MAGI1: variants seen among roughly 807,000 people sequenced by gnomAD.
The protein encoded by MAGI1 is membrane associated guanylate kinase, WW and PDZ domain containing 1.
Under a neutral mutation model 139.9 loss-of-function variants are expected in MAGI1, and 58 were observed. The observed-to-expected ratio is 0.41, with a 90% CI of 0.34 to 0.52. The LOEUF (loss-of-function observed/expected upper bound fraction) is 0.52, where lower values mean the gene tolerates loss of function less well. MAGI1 is among the 20% of genes least tolerant of loss of function. The probability of loss-of-function intolerance (pLI) is 0.12; values close to 1 mark genes in which losing one functional copy is unlikely to be tolerated. For synonymous variants in MAGI1, 812 were observed against 737.9 expected, an observed-to-expected ratio of 1.10 and a Z score of -1.63; for missense variants, 1,874 against 1,901.6, an observed-to-expected ratio of 0.99 and a Z score of 0.27.
intron 1 of MAGI1, among the ~76,000 whole-genome samples, chr3:65,647,116 A>T (rs1275380087): frequency 1.3e-5 from 2 of 152,160 alleles, no homozygotes; most frequent in Non-Finnish European, 1.5e-5. Context: ...ATAAACTTCT[A>T]GCAAGACTGA....
At chr3:65,594,298 T>C (rs1040873384) in intron 2 of MAGI1, among the ~76,000 whole-genome samples, 4 of 152,136 alleles carry the variant, frequency 2.6e-5, no homozygotes, top group African/African-American at 9.7e-5. Flanking sequence ...AAATGGCAAA[T>C]CCCAGATCCC....
At chr3:65,389,948 C>G (rs998803926) in intron 14 of MAGI1, among the ~76,000 whole-genome samples, 1 of 152,206 alleles carries the variant, frequency 6.6e-6, no homozygotes, top group Admixed American at 6.5e-5. Context: ...ACCTCTGCCC[C>G]CCAACTGCTG....
intron 1 of MAGI1, among the ~76,000 whole-genome samples, chr3:66,014,980 A>G (rs528339660): frequency 6.6e-6 from 1 of 152,108 alleles, no homozygotes; most frequent in South Asian, 2.1e-4. Context: ...TCATCGCTAC[A>G]TGATCTTTTC....
At chr3:65,570,178 C>G (rs1212212493) in intron 2 of MAGI1, among the ~76,000 whole-genome samples, 1 of 151,236 alleles carries the variant, frequency 6.6e-6, no homozygotes, top group African/African-American at 2.4e-5. Flanking sequence ...TCTTGGCTTA[C>G]TGCAACCTCA....
intron 1 of MAGI1, among the ~76,000 whole-genome samples, chr3:65,678,887 A>T (rs1197230178): frequency 6.6e-6 from 1 of 152,196 alleles, no homozygotes; most frequent in Admixed American, 6.5e-5. Context: ...ACTCATTTTA[A>T]TGTATCCTTC....
chr3:65,472,701 G>A (rs1297500302), intron 4 of MAGI1, among the ~76,000 whole-genome samples: 2 of 152,178 alleles, frequency 1.3e-5, no homozygotes, highest in African/African-American at 4.8e-5. Context: ...GGCCAGAGAT[G>A]CAAATGAGAC....
At chr3:65,688,073 C>T in intron 1 of MAGI1, 1 of 765,766 alleles carries the variant, frequency 1.3e-6, no homozygotes, top group Non-Finnish European at 2.3e-6. Flanking sequence ...ATAACCCCAA[C>T]AGACAGCCTT....
At chr3:65,503,560 G>A (rs1050357256) in intron 2 of MAGI1, among the ~76,000 whole-genome samples, 1 of 152,186 alleles carries the variant, frequency 6.6e-6, no homozygotes, top group Non-Finnish European at 1.5e-5. Context: ...AACAGCAGGT[G>A]TGTAAAGACA....
intron 1 of MAGI1, chr3:65,844,178 A>C (rs2058904942): frequency 3.9e-6 from 2 of 516,552 alleles, no homozygotes; most frequent in Admixed American, 1.9e-5. Context: ...CATGTGTAAA[A>C]ATGCAGAGAG....
intron 3 of MAGI1, among the ~76,000 whole-genome samples, chr3:65,480,106 A>G (rs1951165980): frequency 6.7e-6 from 1 of 150,092 alleles, no homozygotes. Flanking sequence ...ATCCAACCCC[A>G]TTGTCTAACC....
At chr3:65,595,965 A>C (rs554285302) in intron 2 of MAGI1, among the ~76,000 whole-genome samples, 14 of 152,324 alleles carry the variant, frequency 9.2e-5, no homozygotes, top group African/African-American at 3.4e-4. Flanking sequence ...GAAATGGAGG[A>C]ATCGAGTCTC....
intron 2 of MAGI1, among the ~76,000 whole-genome samples, chr3:65,587,468 ATTAC>A (rs2081738900): frequency 7.3e-6 from 1 of 137,634 alleles, no homozygotes; most frequent in Admixed American, 7.2e-5. Context: ...TTATTTTATT[ATTAC>A]TTTTTTCTTT....
At chr3:65,911,655 C>A (rs1026170871) in intron 1 of MAGI1, among the ~76,000 whole-genome samples, 1 of 151,510 alleles carries the variant, frequency 6.6e-6, no homozygotes, top group Non-Finnish European at 1.5e-5. Flanking sequence ...AAAGCCACAC[C>A]CCAACAGCAT....
chr3:65,614,000 C>T (rs980055288), intron 2 of MAGI1, among the ~76,000 whole-genome samples: 7 of 152,202 alleles, frequency 4.6e-5, no homozygotes, highest in South Asian at 4.1e-4. Context: ...TGGCTGGGTG[C>T]GTCCATACTT....
At chr3:65,393,292 C>T (rs1357330608) in intron 13 of MAGI1, among the ~76,000 whole-genome samples, 1 of 152,074 alleles carries the variant, frequency 6.6e-6, no homozygotes, top group Non-Finnish European at 1.5e-5. Flanking sequence ...TTACAAGGGT[C>T]TTGATTATAA....
chr3:65,973,321 T>C (rs1197465521), intron 1 of MAGI1, among the ~76,000 whole-genome samples: 3 of 152,192 alleles, frequency 2.0e-5, no homozygotes, highest in East Asian at 1.9e-4. Context: ...ACCTGGTATT[T>C]TCTACTCTTT....
intron 18 of MAGI1, chr3:65,371,974 A>G (rs1380240478): frequency 2.5e-6 from 1 of 392,394 alleles, no homozygotes; most frequent in Non-Finnish European, 5.0e-6. Flanking sequence ...AAAGTCATCC[A>G]TGAAGGTTGG....
At chr3:65,460,543 T>C (rs1266291189) in intron 5 of MAGI1, among the ~76,000 whole-genome samples, 2 of 147,692 alleles carry the variant, frequency 1.4e-5, no homozygotes, top group African/African-American at 4.9e-5. Context: ...TACTTATTTC[T>C]TCTTCTTTTT....
chr3:65,844,380 A>C (rs17073944), intron 1 of MAGI1: 1 of 340,602 alleles, frequency 2.9e-6, no homozygotes, highest in Non-Finnish European at 5.6e-6. Context: ...CAGAACAGAA[A>C]GTTACTCAGA....
Sources: gnomAD v4.1 joint callset for allele counts (sites outside exome capture counted in the v4.1 genomes callset) on GRCh38, gnomAD v4.1.1 for gene constraint, MANE v1.5 for transcripts, NCBI Gene and HGNC (gene_info 2026-07-23, HGNC 2026-07-21) for gene names.